The following SMPD3 variants were observed in gnomAD, a reference collection of about 807,000 sequenced individuals.
SMPD3 encodes sphingomyelin phosphodiesterase 3.
Under a neutral mutation model 55.7 loss-of-function variants are expected in SMPD3, and 21 were observed. The observed-to-expected ratio is 0.38, with a 90% CI of 0.27 to 0.54. SMPD3 has a LOEUF of 0.54. Ranked by LOEUF, SMPD3 falls within the 20% of genes least tolerant of loss-of-function variation. The probability of loss-of-function intolerance (pLI) is 0.80; values close to 1 mark genes in which losing one functional copy is unlikely to be tolerated. For synonymous variants in SMPD3, 457 were observed against 404.3 expected, an observed-to-expected ratio of 1.13 and a Z score of -1.56; for missense variants, 842 against 899.6, an observed-to-expected ratio of 0.94 and a Z score of 0.82.
In SMPD3 at chr16:68,390,381, G is replaced by C. The variant is rs954135739; in HGVS notation, c.-268-3722C>G. On this transcript the variant is annotated intron_variant, in intron 1 of 8. Coordinates refer to ENST00000219334, the MANE Select transcript of SMPD3 (RefSeq NM_018667.4). ...CTGTGACTAAGAATGCCTAACCTAG[G>C]CTGGATGTGGTGGCTGACGCCTGTA... Among the ~76,000 whole-genome samples the C allele has an allele frequency of 3.3e-5, 5 of 152,286 alleles. No homozygotes were observed. The South Asian group carries it at 1.0e-3, about 32-fold the overall frequency.
At chr16:68,378,066 C>T (rs57012866) in intron 2 of SMPD3, among the ~76,000 whole-genome samples, 28 of 152,322 alleles carry the variant, frequency 1.8e-4, no homozygotes, top group African/African-American at 6.7e-4. Context: ...CTGCTCTTCC[C>T]GGCAGCAGGG....
intron 2 of SMPD3, among the ~76,000 whole-genome samples, chr16:68,382,419 G>A (rs1042887061): frequency 7.9e-5 from 12 of 152,238 alleles, no homozygotes; most frequent in Admixed American, 1.3e-4. Context: ...GAGGCTGGGG[G>A]CACTGGGCGA....
chr16:68,391,032 TA>T (rs1345358333), intron 1 of SMPD3, among the ~76,000 whole-genome samples: 3 of 152,206 alleles, frequency 2.0e-5, no homozygotes, highest in Non-Finnish European at 4.4e-5. Flanking sequence ...GATTAGGACA[TA>T]AGCTAATGGG....
chr16:68,407,551 TC>T (rs2090264066), intron 1 of SMPD3, among the ~76,000 whole-genome samples: 1 of 152,216 alleles, frequency 6.6e-6, no homozygotes, highest in African/African-American at 2.4e-5. Context: ...GCCAAGCTGA[TC>T]TCAAACTTCA....
Position 68,371,489 on chromosome 16 carries a change from C to G in SMPD3, c.693G>C (p.Gly231=), listed in dbSNP as rs552336311. ...CCGGGCTGCTGCTGTCGACAGGGTC[C>G]CCAGAGGCTGGGCCGTTGGCAGCCT... ...GDEAANGPAS[G]DPVDSSSPED... Residue 231 remains glycine (G), a synonymous_variant, in exon 3 of 9, where the codon GGG becomes GGC. Transcript: ENST00000219334. 1.3e-6 allele frequency: 2 copies of G among 1,598,924 alleles called. No individual in the cohort carries two copies. The highest frequency in any genetic ancestry group is 2.7e-5 in the African/African-American group (2 of 74,972).
At position 68,371,353 on chromosome 16, in the gene SMPD3, C is replaced by T. The variant is rs778585530; in HGVS notation, c.829G>A (p.Gly277Ser). ...ARNGAGGGPR[G>S]QTPNHNQQDG... ...TGCTGATTATGGTTGGGCGTCTGGC[C>T]CCTTGGGCCCCCGCCAGCTCCGTTC... The change falls in exon 3 of 9, where the codon GGC becomes AGC. Residue 277 changes from glycine to serine, a missense_variant. Coordinates refer to ENST00000219334, the MANE Select transcript of SMPD3 (RefSeq NM_018667.4). 1 of 1,578,828 alleles carries T rather than the reference C, an allele frequency of 6.3e-7. No individual in the cohort carries two copies. The highest frequency in any genetic ancestry group is 8.5e-7 in the Non-Finnish European group (1 of 1,170,676).
intron 1 of SMPD3, among the ~76,000 whole-genome samples, chr16:68,397,683 C>T (rs1042923810): frequency 6.6e-6 from 1 of 152,202 alleles, no homozygotes. Flanking sequence ...CTTCTTGGTC[C>T]CGTTCTCTCT....
At chr16:68,402,146 A>C (rs1002595039) in intron 1 of SMPD3, among the ~76,000 whole-genome samples, 4 of 152,102 alleles carry the variant, frequency 2.6e-5, no homozygotes, top group African/African-American at 4.8e-5. Flanking sequence ...TCCTACAATT[A>C]ATAAGGTCTA....
intron 1 of SMPD3, among the ~76,000 whole-genome samples, chr16:68,417,414 A>C (rs1377561911): frequency 6.6e-6 from 1 of 152,000 alleles, no homozygotes; most frequent in Non-Finnish European, 1.5e-5. Flanking sequence ...CTCCAGAGCC[A>C]CTCTGGCCCT....
At chr16:68,437,367 C>T (rs563551902) in intron 1 of SMPD3, among the ~76,000 whole-genome samples, 2 of 152,230 alleles carry the variant, frequency 1.3e-5, no homozygotes, top group African/African-American at 4.8e-5. Context: ...TCAACCCTGT[C>T]GAGTTCAGCA....
intron 1 of SMPD3, among the ~76,000 whole-genome samples, chr16:68,397,312 G>T (rs2090166223): frequency 6.6e-6 from 1 of 152,200 alleles, no homozygotes; most frequent in Admixed American, 6.5e-5. Flanking sequence ...GCCATGATTT[G>T]TTCTTAACAC....
intron 2 of SMPD3, among the ~76,000 whole-genome samples, chr16:68,381,389 C>G (rs958049266): frequency 1.1e-4 from 16 of 152,210 alleles, no homozygotes; most frequent in African/African-American, 2.7e-4. Flanking sequence ...AAGGGGAGAC[C>G]AGAGCTCTTT....
At chr16:68,380,893 G>A (rs533099964) in intron 2 of SMPD3, among the ~76,000 whole-genome samples, 9 of 152,306 alleles carry the variant, frequency 5.9e-5, no homozygotes, top group African/African-American at 2.2e-4. Flanking sequence ...CGGATTGGCC[G>A]ACTACACGAT....
At chr16:68,415,927 T>C (rs2090335460) in intron 1 of SMPD3, among the ~76,000 whole-genome samples, 1 of 152,174 alleles carries the variant, frequency 6.6e-6, no homozygotes. Flanking sequence ...CAAACAGCTT[T>C]GCCCCCAGAT....
At chr16:68,415,805 T>A (rs74024647) in intron 1 of SMPD3, among the ~76,000 whole-genome samples, 1 of 9,834 alleles carries the variant, frequency 1.0e-4, no homozygotes. Context: ...CCTCTTCAGC[T>A]TTTTTTTTTT....
intron 1 of SMPD3, among the ~76,000 whole-genome samples, chr16:68,400,522 C>CT (rs2090196613): frequency 6.6e-6 from 1 of 152,222 alleles, no homozygotes; most frequent in South Asian, 2.1e-4. Context: ...GGTTAGACTA[C>CT]AGTAGTGGTT....
intron 2 of SMPD3, among the ~76,000 whole-genome samples, chr16:68,376,410 T>A (rs1207557887): frequency 1.3e-5 from 2 of 152,240 alleles, no homozygotes; most frequent in Non-Finnish European, 2.9e-5. Flanking sequence ...TCTGCTTCCA[T>A]GTCCCTGGAC....
intron 1 of SMPD3, among the ~76,000 whole-genome samples, chr16:68,416,269 G>C (rs145539632): frequency 6.6e-6 from 1 of 152,182 alleles, no homozygotes; most frequent in Non-Finnish European, 1.5e-5. Flanking sequence ...CTCAGAGCCC[G>C]ACCCTTTCCC....
intron 1 of SMPD3, among the ~76,000 whole-genome samples, chr16:68,446,486 C>T (rs2090611087): frequency 1.3e-5 from 1 of 78,458 alleles, no homozygotes; most frequent in Non-Finnish European, 2.5e-5. Context: ...GGTTCATCTA[C>T]ACACACACAC....
Sources: gnomAD v4.1 joint callset for allele counts (sites outside exome capture counted in the v4.1 genomes callset) on GRCh38, gnomAD v4.1.1 for gene constraint, MANE v1.5 for transcripts, NCBI Gene and HGNC (gene_info 2026-07-23, HGNC 2026-07-21) for gene names.